GFOD2: variants seen among roughly 807,000 people sequenced by gnomAD.
GFOD2 encodes the protein Gfo/Idh/MocA-like oxidoreductase domain containing 2.
Under a neutral mutation model 24.6 loss-of-function variants are expected in GFOD2, and 9 were observed. That is an observed-to-expected ratio of 0.37 (90% CI 0.22 to 0.64). GFOD2 has a LOEUF of 0.64. GFOD2 is among the 30% of genes least tolerant of loss of function. The pLI, the probability that GFOD2 is intolerant of heterozygous loss-of-function variation, is 0.65. For synonymous variants in GFOD2, 211 were observed against 224.8 expected, an observed-to-expected ratio of 0.94 and a Z score of 0.55; for missense variants, 476 against 532.5, an observed-to-expected ratio of 0.89 and a Z score of 1.04.
At chr16:67,679,599 G>A (rs2053209100) in intron 2 of GFOD2, among the ~76,000 whole-genome samples, 1 of 151,556 alleles carries the variant, frequency 6.6e-6, no homozygotes, top group Admixed American at 6.6e-5. Flanking sequence ...TTTAAGAGAC[G>A]GGGTCTTGGC....
In GFOD2 at chr16:67,685,705, A is replaced by C; in HGVS notation, c.11T>G (p.Leu4Arg). Residue 4 changes from leucine (L) to arginine (R), a missense_variant, in exon 2 of 3, where the codon CTG becomes CGG. Transcript: ENST00000268797. MKM[L>R]PGVGVFGTGS... is the part of the protein sequence containing the mutation. ...AGTCCCAAACACGCCCACTCCTGGC[A>C]GCATCTTCATCCCAGCCTCTCTCTT... 6.2e-7 allele frequency: 1 copy of C among 1,611,136 alleles called. No individual in the cohort carries two copies. Among genetic ancestry groups the C allele is most frequent in the Non-Finnish European group, 8.5e-7 (1 of 1,178,954 alleles).
chr16:67,717,077 G>A (rs756345067), intron 1 of GFOD2, among the ~76,000 whole-genome samples: 16 of 152,032 alleles, frequency 1.1e-4, no homozygotes, highest in South Asian at 2.1e-4. Flanking sequence ...TGTATTTTTA[G>A]TAGAGACGGG....
intron 2 of GFOD2, chr16:67,683,509 C>A: frequency 2.4e-6 from 3 of 1,231,706 alleles, no homozygotes; most frequent in Non-Finnish European, 3.0e-6. Context: ...ATCTGGGAGC[C>A]ACCATCTGAC....
At chr16:67,708,537 G>A (rs993416491) in intron 1 of GFOD2, among the ~76,000 whole-genome samples, 2 of 152,166 alleles carry the variant, frequency 1.3e-5, no homozygotes, top group African/African-American at 2.4e-5. Flanking sequence ...GGAAGGGAGG[G>A]TTCAAAAGGG....
intron 1 of GFOD2, among the ~76,000 whole-genome samples, chr16:67,709,312 A>G (rs1300322655): frequency 6.6e-6 from 1 of 152,090 alleles, no homozygotes; most frequent in African/African-American, 2.4e-5. Flanking sequence ...AAAAGAAAAA[A>G]AAAAAAAAGA....
At chr16:67,690,359 T>C (rs2053302445) in intron 1 of GFOD2, among the ~76,000 whole-genome samples, 1 of 152,100 alleles carries the variant, frequency 6.6e-6, no homozygotes. Flanking sequence ...TTTTTGTTGG[T>C]TAGCCGTTCT....
intron 1 of GFOD2, among the ~76,000 whole-genome samples, chr16:67,698,443 C>G (rs894317267): frequency 6.6e-6 from 1 of 152,180 alleles, no homozygotes; most frequent in Non-Finnish European, 1.5e-5. Context: ...TAGACCTTGA[C>G]TAATGCAGGT....
intron 1 of GFOD2, among the ~76,000 whole-genome samples, chr16:67,704,070 C>A (rs2053422261): frequency 1.3e-5 from 2 of 152,080 alleles, no homozygotes; most frequent in African/African-American, 4.8e-5. Context: ...GTAGATACCA[C>A]ATTTTGCTTA....
intron 1 of GFOD2, among the ~76,000 whole-genome samples, chr16:67,710,038 T>C (rs1022740681): frequency 3.3e-5 from 5 of 152,186 alleles, no homozygotes; most frequent in Non-Finnish European, 5.9e-5. Flanking sequence ...CTCTGTTTCC[T>C]GGGTGCAAAT....
intron 2 of GFOD2, chr16:67,681,983 C>A: frequency 1.9e-6 from 1 of 516,704 alleles, no homozygotes; most frequent in Non-Finnish European, 2.5e-6. Context: ...AGTTCGAAAC[C>A]AGCTTGAACA....
chr16:67,702,881 AGACAC>A (rs1216800842), intron 1 of GFOD2, among the ~76,000 whole-genome samples: 8 of 152,034 alleles, frequency 5.3e-5, no homozygotes, highest in African/African-American at 1.9e-4. Flanking sequence ...TACAGGAGTA[AGACAC>A]TGCGCCCGGC....
At chr16:67,698,218 T>C (rs763675576) in intron 1 of GFOD2, among the ~76,000 whole-genome samples, 1 of 152,162 alleles carries the variant, frequency 6.6e-6, no homozygotes, top group Non-Finnish European at 1.5e-5. Context: ...ACAGCTCCTT[T>C]AGAGGACCCC....
At chr16:67,692,801 C>T (rs1048065083) in intron 1 of GFOD2, among the ~76,000 whole-genome samples, 9 of 150,490 alleles carry the variant, frequency 6.0e-5, no homozygotes, top group Non-Finnish European at 1.2e-4. Flanking sequence ...CTGAGGAGGG[C>T]GAATCACGAG....
chr16:67,717,414 C>T (rs1597807697), intron 1 of GFOD2, among the ~76,000 whole-genome samples: 1 of 152,142 alleles, frequency 6.6e-6, no homozygotes, highest in East Asian at 1.9e-4. Flanking sequence ...TCAGAGGAGG[C>T]TTTCTAAAAA....
intron 2 of GFOD2, chr16:67,684,727 T>G: frequency 1.0e-6 from 1 of 976,824 alleles, no homozygotes; most frequent in Non-Finnish European, 1.2e-6. Flanking sequence ...GGCTGAATGT[T>G]TACTGGTTTG....
intron 1 of GFOD2, among the ~76,000 whole-genome samples, chr16:67,706,912 A>G (rs759644463): frequency 3.9e-5 from 6 of 152,136 alleles, no homozygotes; most frequent in Non-Finnish European, 8.8e-5. Context: ...CAAAAAAATT[A>G]GCCAGGTATG....
chr16:67,699,264 C>T (rs1391881472), intron 1 of GFOD2, among the ~76,000 whole-genome samples: 1 of 151,946 alleles, frequency 6.6e-6, no homozygotes, highest in African/African-American at 2.4e-5. Context: ...ATCGCTGGAA[C>T]CAAAGAGGCA....
chr16:67,687,983 G>GA (rs2053281338), intron 1 of GFOD2, among the ~76,000 whole-genome samples: 1 of 152,012 alleles, frequency 6.6e-6, no homozygotes, highest in South Asian at 2.1e-4. Flanking sequence ...CTCAAGAAAG[G>GA]AAAAAAGGTT....
chr16:67,691,656 C>G (rs904698568), intron 1 of GFOD2, among the ~76,000 whole-genome samples: 25 of 152,102 alleles, frequency 1.6e-4, no homozygotes, highest in African/African-American at 6.0e-4. Flanking sequence ...CTGTACCCCC[C>G]CAGGAGCTCC....
Sources: allele counts gnomAD v4.1 joint callset (sites outside exome capture counted in the v4.1 genomes callset), GRCh38; gene constraint gnomAD v4.1.1; transcripts MANE v1.5; gene names NCBI Gene and HGNC (gene_info 2026-07-23, HGNC 2026-07-21).